PRELID2: variants seen among roughly 807,000 people sequenced by gnomAD.
The protein encoded by PRELID2 is PRELI domain containing 2.
PRELID2 carries 25 observed loss-of-function variants against 28.4 expected under a neutral mutation model. The ratio of observed to expected loss-of-function variants is 0.88; its 90% confidence interval spans 0.64 to 1.23. PRELID2 has a LOEUF of 1.23. PRELID2 is among the 50% of genes most tolerant of loss of function. The probability of loss-of-function intolerance (pLI) is 0.00; values close to 1 mark genes in which losing one functional copy is unlikely to be tolerated. For synonymous variants in PRELID2, 76 were observed against 71.6 expected (o/e 1.06, Z -0.31); for missense variants, 201 against 214.4 (o/e 0.94, Z 0.39).
intron 1 of PRELID2, among the ~76,000 whole-genome samples, chr5:145,706,003 G>GA (rs1377702054): frequency 2.7e-5 from 4 of 150,894 alleles, no homozygotes; most frequent in Middle Eastern, 3.4e-3. Context: ...ATGTTAGAAA[G>GA]AAAAAAAGTT....
chr5:145,563,379 G>A (rs1434306076), intron 1 of PRELID2, among the ~76,000 whole-genome samples: 1 of 152,160 alleles, frequency 6.6e-6, no homozygotes, highest in Non-Finnish European at 1.5e-5. Context: ...CATAACTGGA[G>A]CCACTGCCCT....
At chr5:145,424,577 G>C in the PRELID2 span, among the ~76,000 whole-genome samples, 3 of 152,174 alleles carry the variant, frequency 2.0e-5, no homozygotes, top group African/African-American at 7.2e-5. Context: ...GTGAGGCAAT[G>C]CCTCACCCTG....
intron 1 of PRELID2, among the ~76,000 whole-genome samples, chr5:145,544,949 C>T (rs1327938388): frequency 4.6e-5 from 7 of 152,102 alleles, no homozygotes; most frequent in South Asian, 4.1e-4. Context: ...AATTCCAGCA[C>T]GGGTGTTCAT....
chr5:145,526,779 T>C (rs1392015142), intron 1 of PRELID2, among the ~76,000 whole-genome samples: 1 of 152,154 alleles, frequency 6.6e-6, no homozygotes, highest in Non-Finnish European at 1.5e-5. Context: ...TAGAGTGTAA[T>C]GAGTACATAG....
At chr5:145,617,211 C>G (rs1753711041) in intron 1 of PRELID2, among the ~76,000 whole-genome samples, 1 of 152,126 alleles carries the variant, frequency 6.6e-6, no homozygotes, top group Non-Finnish European at 1.5e-5. Flanking sequence ...ACACAATCAT[C>G]ACAGGGTCCT....
chr5:145,392,431 G>A, the PRELID2 span, among the ~76,000 whole-genome samples: 4 of 152,066 alleles, frequency 2.6e-5, no homozygotes, highest in Admixed American at 1.3e-4. Context: ...ATCTCCCACC[G>A]GGTCTCTCTC....
chr5:145,793,081 A>G lies in PRELID2; in HGVS notation c.474+3361T>C, dbSNP rs1317777562. 3.3e-5 allele frequency among the ~76,000 whole-genome samples: 5 copies of G among 152,136 alleles called. 1 individual carries two copies. Among genetic ancestry groups the G allele is most frequent in the Admixed American group, 1.3e-4 (2 of 15,258 alleles). On this transcript the variant is annotated intron_variant, in intron 5 of 6. Coordinates refer to ENST00000683046, the MANE Select transcript of PRELID2 (RefSeq NM_205846.3). ...TCTCCTGCCCACAGATTTCCACTCCAGGAGGAAGGAGGGGTCTGACTGGTG... is the reference window on the plus strand; with the variant it reads ...TCTCCTGCCCACAGATTTCCACTCCGGGAGGAAGGAGGGGTCTGACTGGTG...
chr5:145,533,384 A>G (rs1010069810), intron 1 of PRELID2, among the ~76,000 whole-genome samples: 1 of 152,056 alleles, frequency 6.6e-6, no homozygotes, highest in African/African-American at 2.4e-5. Flanking sequence ...AAAGAACCCC[A>G]CATAATAATT....
the PRELID2 span, among the ~76,000 whole-genome samples, chr5:145,450,251 T>G: frequency 6.6e-6 from 1 of 152,146 alleles, no homozygotes; most frequent in Non-Finnish European, 1.5e-5. Flanking sequence ...GTAAAGAATT[T>G]CCAGAAATTG....
At chr5:145,540,278 G>C (rs1370286618) in intron 1 of PRELID2, among the ~76,000 whole-genome samples, 1 of 151,892 alleles carries the variant, frequency 6.6e-6, no homozygotes, top group Non-Finnish European at 1.5e-5. Context: ...AAAAGAATTA[G>C]AAACATAATA....
At chr5:145,734,950 C>T (rs1050104864) in intron 1 of PRELID2, among the ~76,000 whole-genome samples, 1 of 152,058 alleles carries the variant, frequency 6.6e-6, no homozygotes, top group Non-Finnish European at 1.5e-5. Context: ...TTTCATTTCA[C>T]AGATAAAAAG....
chr5:145,315,454 A>G, the PRELID2 span, among the ~76,000 whole-genome samples: 220 of 152,208 alleles, frequency 1.4e-3, 6 homozygotes, highest in Non-Finnish European at 4.7e-4. Context: ...ATATAGAATG[A>G]AGAATTATGA....
intron 1 of PRELID2, among the ~76,000 whole-genome samples, chr5:145,586,932 T>C (rs529081526): frequency 1.4e-4 from 21 of 152,166 alleles, no homozygotes; most frequent in African/African-American, 4.8e-4. Flanking sequence ...AAAGGAAATA[T>C]GACAAAGAAA....
At chr5:145,414,514 G>T in the PRELID2 span, among the ~76,000 whole-genome samples, 1 of 152,190 alleles carries the variant, frequency 6.6e-6, no homozygotes, top group Non-Finnish European at 1.5e-5. Context: ...TGTGAAGACA[G>T]AACACTTTTC....
In PRELID2 at chr5:145,493,479, A is replaced by G. The variant is rs151104293; in HGVS notation, n.71-20164T>C. 2.4e-3 allele frequency among the ~76,000 whole-genome samples: 367 copies of G among 152,244 alleles called. 1 individual carries two copies. The highest frequency in any genetic ancestry group is 8.4e-3 in the African/African-American group (347 of 41,550). On this transcript the variant is annotated intron_variant and non_coding_transcript_variant, in intron 1 of 2. Transcript: ENST00000510259. ...TCCTGATTGTGTCATTCTCTTGCCT[A>G]AAATTGTGCTTCCACCATTGCTTAT...
rs1757337320 is a variant in PRELID2 at position 145,758,740 on chromosome 5, T to C, written c.*1796A>G. 6.6e-6 allele frequency among the ~76,000 whole-genome samples: 1 copy of C among 152,054 alleles called. No homozygotes were observed. Among genetic ancestry groups the C allele is most frequent in the Admixed American group, 6.6e-5 (1 of 15,242 alleles). ...CCATCTACAAATTGGAAAAAAAAGGTCAAAGTGTGTTTTAGTTTCTACCAT... is the reference window on the plus strand; with the variant it reads ...CCATCTACAAATTGGAAAAAAAAGGCCAAAGTGTGTTTTAGTTTCTACCAT... On this transcript the variant is annotated 3_prime_UTR_variant, in exon 7 of 7. Transcript: ENST00000683046.
At chr5:145,687,678 AC>A (rs1389601181) in intron 1 of PRELID2, among the ~76,000 whole-genome samples, 1 of 152,220 alleles carries the variant, frequency 6.6e-6, no homozygotes, top group African/African-American at 2.4e-5. Context: ...CTTATGCATC[AC>A]TAGCATTTAG....
At chr5:145,771,500 C>T (rs775665539) in intron 5 of PRELID2, among the ~76,000 whole-genome samples, 29 of 151,708 alleles carry the variant, frequency 1.9e-4, no homozygotes, top group Non-Finnish European at 3.7e-4. Context: ...ACCCAAAGTC[C>T]AGTCGTAAGT....
chr5:145,341,861 C>T, the PRELID2 span, among the ~76,000 whole-genome samples: 1 of 152,030 alleles, frequency 6.6e-6, no homozygotes, highest in Non-Finnish European at 1.5e-5. Context: ...ATATAAATTT[C>T]CCAAGTCTAG....
Sources: gnomAD v4.1 joint callset for allele counts (sites outside exome capture counted in the v4.1 genomes callset) on GRCh38, gnomAD v4.1.1 for gene constraint, MANE v1.5 for transcripts, NCBI Gene and HGNC (gene_info 2026-07-23, HGNC 2026-07-21) for gene names.